The following SLC25A43 variants were observed in gnomAD, a reference collection of about 807,000 sequenced individuals.
SLC25A43 encodes solute carrier family 25 member 43.
SLC25A43 carries 10 observed loss-of-function variants against 22.8 expected under a neutral mutation model. The ratio of observed to expected loss-of-function variants is 0.44; its 90% CI spans 0.27 to 0.74. SLC25A43 has a LOEUF of 0.74. SLC25A43 is among the 30% of genes least tolerant of loss of function. The probability of loss-of-function intolerance (pLI) is 0.17; values close to 1 mark genes in which losing one functional copy is unlikely to be tolerated. For synonymous variants in SLC25A43, 106 were observed against 121.6 expected (o/e 0.87, Z 0.84); for missense variants, 233 against 279.1 (o/e 0.83, Z 1.18).
chrX:119,403,329 G>A (rs764986441), intron 1 of SLC25A43, among the ~76,000 whole-genome samples: 29 of 107,732 alleles, frequency 2.7e-4, no homozygotes, highest in Admixed American at 1.4e-3. Flanking sequence ...TTGCTCTGTC[G>A]CCCAAGTTGG....
intron 3 of SLC25A43, among the ~76,000 whole-genome samples, chrX:119,410,729 A>G (rs1162398864): frequency 1.8e-5 from 2 of 110,686 alleles, no homozygotes; most frequent in Non-Finnish European, 3.8e-5. Context: ...CCTCTACTAA[A>G]CAAACAAAAA....
intron 3 of SLC25A43, among the ~76,000 whole-genome samples, chrX:119,426,829 A>T (rs1240098130): frequency 9.2e-6 from 1 of 108,851 alleles, no homozygotes; most frequent in Non-Finnish European, 1.9e-5. Context: ...AAAAAAAAAA[A>T]AGCCAGTCCA....
At chrX:119,417,729 C>G (rs1412616681) in intron 3 of SLC25A43, among the ~76,000 whole-genome samples, 2 of 102,342 alleles carry the variant, frequency 2.0e-5, no homozygotes, top group African/African-American at 7.3e-5. Flanking sequence ...ATATATAGAG[C>G]ATAAGAAGAA....
chrX:119,432,077 G>A (rs2052558017), intron 3 of SLC25A43, among the ~76,000 whole-genome samples: 2 of 108,233 alleles, frequency 1.8e-5, no homozygotes, highest in South Asian at 4.2e-4. Context: ...ACTTGAACCC[G>A]GGAATGGGGA....
intron 1 of SLC25A43, among the ~76,000 whole-genome samples, chrX:119,402,456 C>T (rs1034226778): frequency 8.9e-6 from 1 of 111,938 alleles, no homozygotes; most frequent in Non-Finnish European, 1.9e-5. Context: ...ACTTCACAAC[C>T]GCTTGTCTAT....
chrX:119,444,334 T>C (rs1354576130), intron 3 of SLC25A43, among the ~76,000 whole-genome samples: 2 of 111,686 alleles, frequency 1.8e-5, no homozygotes, highest in African/African-American at 6.5e-5. Flanking sequence ...ACTTATAATG[T>C]TGCTGGCACT....
rs368768939 is a variant in SLC25A43, at chrX:119,418,275, C to T, written c.690+7913C>T. Among the ~76,000 whole-genome samples the T allele has an allele frequency of 8.1e-5, 9 of 111,706 alleles. No homozygotes were observed. In the South Asian group the frequency reaches 3.5e-3, roughly 43 times the overall value. ...AGAGAGGGCTTTAATAACAGTCTGT[C>T]CTCGCTGGAGCAGGCAGGGTTTGCC... is the stretch of plus-strand genomic sequence containing the variant. On this transcript the variant is annotated intron_variant, in intron 3 of 4. Coordinates refer to ENST00000217909, the MANE Select transcript of SLC25A43 (RefSeq NM_145305.3).
intron 3 of SLC25A43, chrX:119,422,964 A>G (rs1473286360): frequency 8.9e-6 from 1 of 111,845 alleles, no homozygotes; most frequent in Non-Finnish European, 1.9e-5. Flanking sequence ...TTGACAAATC[A>G]TAGCACCATC....
chrX:119,414,027 G>A (rs1014594488), intron 3 of SLC25A43, among the ~76,000 whole-genome samples: 3 of 111,870 alleles, frequency 2.7e-5, no homozygotes, highest in Non-Finnish European at 3.8e-5. Flanking sequence ...TTGTAAGTTT[G>A]TAATTCCACC....
At chrX:119,406,775 G>T in intron 2 of SLC25A43, 74 bp downstream of exon 2, 1 of 1,103,328 alleles carries the variant, frequency 9.1e-7, no homozygotes, top group Non-Finnish European at 1.2e-6. Context: ...GTATACCTTT[G>T]TGAGCCACTA....
intron 3 of SLC25A43, among the ~76,000 whole-genome samples, chrX:119,429,096 G>A (rs1313681116): frequency 9.6e-6 from 1 of 104,575 alleles, no homozygotes; most frequent in Non-Finnish European, 1.9e-5. Flanking sequence ...GGAGTCGCCA[G>A]GCTGAAGTGC....
At chrX:119,449,368 C>T (rs373075491) in intron 3 of SLC25A43, among the ~76,000 whole-genome samples, 1 of 99,402 alleles carries the variant, frequency 1.0e-5, no homozygotes, top group East Asian at 3.1e-4. Flanking sequence ...GAGCCGAGAT[C>T]GTGTGACTGC....
At chrX:119,412,376 G>GTT (rs1290075875) in intron 3 of SLC25A43, among the ~76,000 whole-genome samples, 6 of 101,051 alleles carry the variant, frequency 5.9e-5, no homozygotes, top group Non-Finnish European at 8.1e-5. Flanking sequence ...GACATTTGGT[G>GTT]TTTTTTTTTT....
intron 3 of SLC25A43, 30 bp downstream of exon 3, chrX:119,410,392 T>C: frequency 8.4e-7 from 1 of 1,195,255 alleles, no homozygotes; most frequent in East Asian, 3.0e-5. Flanking sequence ...GGGTAGGGGG[T>C]GGAATGCTTT....
chrX:119,410,046 C>T, intron 2 of SLC25A43, 144 bp from the exon 3 acceptor site: 1 of 587,699 alleles, frequency 1.7e-6, no homozygotes, highest in East Asian at 3.3e-5. Flanking sequence ...CAAGAAAGTT[C>T]CCTCATGCTC....
chrX:119,429,893 G>A (rs953264050), intron 3 of SLC25A43, among the ~76,000 whole-genome samples: 2 of 112,105 alleles, frequency 1.8e-5, no homozygotes, highest in African/African-American at 6.5e-5. Context: ...AAGGATTCTG[G>A]CCAGCAGCAT....
intron 3 of SLC25A43, among the ~76,000 whole-genome samples, chrX:119,448,532 C>T (rs1055302686): frequency 4.5e-5 from 5 of 111,288 alleles, no homozygotes; most frequent in African/African-American, 1.6e-4. Flanking sequence ...ACATTGGCCT[C>T]CTCATTGCCT....
At chrX:119,452,435 A>G (rs2052713282) in intron 4 of SLC25A43, among the ~76,000 whole-genome samples, 1 of 108,137 alleles carries the variant, frequency 9.2e-6, no homozygotes, top group Non-Finnish European at 1.9e-5. Flanking sequence ...CTAAAATTCT[A>G]TGCAAAAATG....
chrX:119,428,799 C>A (rs2052529828), intron 3 of SLC25A43, among the ~76,000 whole-genome samples: 1 of 111,834 alleles, frequency 8.9e-6, no homozygotes, highest in African/African-American at 3.2e-5. Flanking sequence ...CCTGTCAGAT[C>A]AGCGGCGGCA....
Sources: allele counts gnomAD v4.1 joint callset (sites outside exome capture counted in the v4.1 genomes callset), GRCh38; gene constraint gnomAD v4.1.1; transcripts MANE v1.5; gene names NCBI Gene and HGNC (gene_info 2026-07-23, HGNC 2026-07-21).